Variants in PREX2 observed in about 807,000 individuals in gnomAD.
The protein encoded by PREX2 is phosphatidylinositol 3,4,5-trisphosphate-dependent Rac exchanger 2 protein.
PREX2 carries 107 observed loss-of-function variants against 203.2 expected under a neutral mutation model. The observed-to-expected ratio is 0.53, with a 90% CI of 0.45 to 0.62. The LOEUF is 0.62. Ranked by LOEUF, PREX2 falls within the 20% of genes least tolerant of loss-of-function variation. The probability of loss-of-function intolerance (pLI) is 0.00; values close to 1 mark genes in which losing one functional copy is unlikely to be tolerated. For synonymous variants in PREX2, 672 were observed against 663.6 expected, an observed-to-expected ratio of 1.01 and a Z score of -0.19; for missense variants, 1,777 against 1,955.9, an observed-to-expected ratio of 0.91 and a Z score of 1.72.
chr8:68,008,643 T>C (rs1220350950), intron 1 of PREX2, among the ~76,000 whole-genome samples: 1 of 152,150 alleles, frequency 6.6e-6, no homozygotes, highest in Non-Finnish European at 1.5e-5. Context: ...TCATCTTGAA[T>C]TGTAGCTCAC....
rs568778806 is a variant in PREX2 at position 68,008,476 on chromosome 8, G to A, written c.142-9370G>A. ...TATGGTGAGTCAGAAAGGGCCATAG[G>A]ATACTGACATGTATTTTAAGTCATG... On this transcript the variant is annotated intron_variant, in intron 1 of 39. Transcript: ENST00000288368. Among the ~76,000 whole-genome samples, 14 of 152,298 alleles carry A rather than the reference G, an allele frequency of 9.2e-5. No individual in the cohort carries two copies. The East Asian group carries it at 1.9e-3, about 21-fold the overall frequency.
At chr8:68,030,690 A>C (rs951244490) in intron 6 of PREX2, 32 bp downstream of exon 6, 16 of 1,609,536 alleles carry the variant, frequency 9.9e-6, no homozygotes, top group Non-Finnish European at 1.4e-5. Context: ...ATCGAGCTTA[A>C]GATAGTTTTA....
At chr8:68,096,962 A>C (rs941222783) in intron 21 of PREX2, 55 bp from the exon 22 acceptor site, 1 of 1,414,886 alleles carries the variant, frequency 7.1e-7, no homozygotes, top group Admixed American at 1.9e-5. Context: ...AAATTATTTG[A>C]GGAGATTAAC....
intron 6 of PREX2, among the ~76,000 whole-genome samples, chr8:68,031,546 A>G (rs1047314774): frequency 6.6e-6 from 1 of 152,110 alleles, no homozygotes; most frequent in Non-Finnish European, 1.5e-5. Context: ...AATTATGTTC[A>G]CCCAGATATG....
In PREX2 at chr8:68,099,802, A is replaced by G. The variant is rs897180163; in HGVS notation, c.2674A>G (p.Arg892Gly). 6.2e-7 allele frequency: 1 copy of G among 1,612,112 alleles called. No individual in the cohort carries two copies. The highest frequency in any genetic ancestry group is 1.7e-5 in the Admixed American group (1 of 59,992). The change falls in exon 23 of 40, where the codon AGA (arginine) becomes GGA (glycine). Residue 892 changes from arginine to glycine, a missense_variant. By Grantham distance (125) the Arg-to-Gly change is moderately radical. Transcript: ENST00000288368. ...QSKFSALCSE[R>G]IEHLCQRISS... Reference sequence around the variant, plus strand: ...TAAATTCAGTGCCCTTTGCAGTGAAAGAATTGAACACCTATGTCAGAGAAT... The same window carrying G: ...TAAATTCAGTGCCCTTTGCAGTGAAGGAATTGAACACCTATGTCAGAGAAT...
At chr8:68,003,407 G>A (rs1318768352) in intron 1 of PREX2, among the ~76,000 whole-genome samples, 1 of 152,156 alleles carries the variant, frequency 6.6e-6, no homozygotes, top group Non-Finnish European at 1.5e-5. Context: ...GATTATTGGA[G>A]GTTAAGGGTC....
chr8:68,010,242 C>T (rs1807220668), intron 1 of PREX2, among the ~76,000 whole-genome samples: 1 of 152,144 alleles, frequency 6.6e-6, no homozygotes, highest in Non-Finnish European at 1.5e-5. Context: ...CAGAAAAGAT[C>T]CACTACATTG....
chr8:68,009,034 ATCTT>A (rs1807185400), intron 1 of PREX2, among the ~76,000 whole-genome samples: 2 of 152,214 alleles, frequency 1.3e-5, no homozygotes, highest in African/African-American at 2.4e-5. Flanking sequence ...CAATTTATAA[ATCTT>A]TCTTTTATAC....
rs1330564484 is a variant in PREX2 at position 67,976,525 on chromosome 8, CAG to C, written c.141+24002_141+24003del. Among the ~76,000 whole-genome samples, 13 of 41,642 alleles carry C rather than the reference CAG, an allele frequency of 3.1e-4. 1 individual carries two copies. The highest frequency in any genetic ancestry group is 2.5e-4 in the African/African-American group (3 of 12,006). 27.3% of individuals were successfully genotyped at this position (41,642 alleles called of 152,430 possible). A position where few individuals can be genotyped will look rare whatever the true frequency, so the allele number is the denominator to read the frequency against. On this transcript the variant is annotated intron_variant, in intron 1 of 39. Transcript: ENST00000288368. ...AGAGAGGGACAGACAGAGACAGAGA[CAG>C]AGAGAGAGAGACGGGAGAGAGACAG...
At chr8:68,005,511 C>A (rs751152676) in intron 1 of PREX2, among the ~76,000 whole-genome samples, 21 of 152,182 alleles carry the variant, frequency 1.4e-4, no homozygotes, top group Non-Finnish European at 2.4e-4. Context: ...CACCTAACAA[C>A]CACTTCTCAA....
intron 23 of PREX2, among the ~76,000 whole-genome samples, chr8:68,101,183 C>T (rs980768278): frequency 4.0e-5 from 6 of 151,840 alleles, no homozygotes; most frequent in Non-Finnish European, 8.8e-5. Context: ...GTTTTATGTT[C>T]TTGATATGGT....
At chr8:67,987,373 G>C (rs1022247986) in intron 1 of PREX2, among the ~76,000 whole-genome samples, 1 of 152,032 alleles carries the variant, frequency 6.6e-6, no homozygotes, top group Non-Finnish European at 1.5e-5. Flanking sequence ...TCTTTGTACT[G>C]TCTGGTCACC....
At chr8:67,993,278 C>T (rs7005336) in intron 1 of PREX2, among the ~76,000 whole-genome samples, 22,546 of 152,042 alleles carry the variant, frequency 0.15, 2,337 homozygotes, top group African/African-American at 0.3. Context: ...ATAATAGCAT[C>T]CATTTGGAAA....
intron 34 of PREX2, among the ~76,000 whole-genome samples, chr8:68,154,420 A>G (rs868785484): frequency 6.6e-6 from 1 of 152,250 alleles, no homozygotes; most frequent in African/African-American, 2.4e-5. Flanking sequence ...AGAATCTCAG[A>G]TATTAATTAC....
At chr8:68,126,326 G>T (rs1335284968) in intron 30 of PREX2, among the ~76,000 whole-genome samples, 1 of 152,034 alleles carries the variant, frequency 6.6e-6, no homozygotes, top group Non-Finnish European at 1.5e-5. Context: ...AAATTTCAAA[G>T]ACTTTTCACA....
At chr8:68,152,736 G>T (rs1811467753) in intron 34 of PREX2, among the ~76,000 whole-genome samples, 1 of 152,170 alleles carries the variant, frequency 6.6e-6, no homozygotes. Flanking sequence ...AGGGGATGGG[G>T]GTCCCTGCTC....
At chr8:67,959,622 T>A (rs1022803052) in intron 1 of PREX2, among the ~76,000 whole-genome samples, 1 of 152,112 alleles carries the variant, frequency 6.6e-6, no homozygotes, top group Non-Finnish European at 1.5e-5. Flanking sequence ...TTTTCTGAAA[T>A]TTTCTGAGCC....
At chr8:68,172,163 G>A (rs1432307195) in intron 35 of PREX2, among the ~76,000 whole-genome samples, 1 of 152,116 alleles carries the variant, frequency 6.6e-6, no homozygotes, top group Non-Finnish European at 1.5e-5. Context: ...TGTTTTATTT[G>A]AGAAGTGATT....
intron 3 of PREX2, 107 bp from the exon 4 acceptor site, chr8:68,021,929 C>G (rs1321899762): frequency 1.1e-5 from 7 of 645,016 alleles, no homozygotes; most frequent in Non-Finnish European, 2.0e-5. Flanking sequence ...CAGTATAGCT[C>G]TTAAAACGTA....
Sources: gnomAD v4.1 joint callset for allele counts (sites outside exome capture counted in the v4.1 genomes callset) on GRCh38, gnomAD v4.1.1 for gene constraint, MANE v1.5 for transcripts, NCBI Gene and HGNC (gene_info 2026-07-23, HGNC 2026-07-21) for gene names.